Variants in TMEM265 observed in about 807,000 individuals in gnomAD.
TMEM265 encodes transmembrane protein 265.
A neutral mutation model predicts 9.5 loss-of-function variants in TMEM265; 8 were observed. The observed-to-expected ratio is 0.84, with a 90% CI of 0.49 to 1.52. The LOEUF (loss-of-function observed/expected upper bound fraction) is 1.52. TMEM265 is among the 40% of genes most tolerant of loss of function. TMEM265 has a pLI of 0.00. For missense variants in TMEM265, 152 were observed against 146.2 expected, an observed-to-expected ratio of 1.04 and a Z score of -0.21; for synonymous variants, 53 against 56.9, an observed-to-expected ratio of 0.93 and a Z score of 0.31.
At chr16:30,741,484 CTAAA>C in intron 1 of TMEM265, 2 of 370,000 alleles carry the variant, frequency 5.4e-6, no homozygotes, top group South Asian at 9.7e-5. Flanking sequence ...TGTTGAAACA[CTAAA>C]TAATACAGAT....
Position 30,744,092 on chromosome 16 carries a change from C to CT in TMEM265, c.*152dup. 1.1e-6 allele frequency: 1 copy of CT among 934,928 alleles called. No individual in the cohort carries two copies. The highest frequency in any genetic ancestry group is 2.7e-5 in the East Asian group (1 of 36,556). 57.9% of individuals were successfully genotyped at this position (934,928 alleles called of 1,614,324 possible). A position where few individuals can be genotyped will look rare whatever the true frequency, so the allele number is the denominator to read the frequency against. On this transcript the variant is annotated 3_prime_UTR_variant, in exon 3 of 3. Transcript: ENST00000615541. ...GGGCTTTGGAAGAGCTCTTCTAGCC[C>CT]TTTATAAAAGGAGGGCAGCAGCTGA...
At chr16:30,740,911 AG>A (rs2053218024) in intron 1 of TMEM265, 1 of 152,134 alleles carries the variant, frequency 6.6e-6, no homozygotes, top group African/African-American at 2.4e-5. Flanking sequence ...CAGGGAGCCA[AG>A]GTGGTTTCAT....
At position 30,745,110 on chromosome 16, in the gene TMEM265, T is replaced by C. The variant is rs1359780661; in HGVS notation, c.*1167T>C. 1.2e-4 allele frequency: 18 copies of C among 152,226 alleles called. No homozygotes were observed. The allele number at this position is 152,226 out of a possible 1,614,324, so 9.4% of individuals were successfully genotyped here. A position where few individuals can be genotyped will look rare whatever the true frequency, so the allele number is the denominator to read the frequency against. ...ACCATTCTGACTTCTAGCAGTGTCA[T>C]TTAATTTTGTCTGCATTTGAACTTT... On this transcript the variant is annotated 3_prime_UTR_variant, in exon 3 of 3. Coordinates refer to ENST00000615541, the MANE Select transcript of TMEM265 (RefSeq NM_001256829.2).
chr16:30,742,031 A>G, intron 2 of TMEM265, 123 bp downstream of exon 2: 3 of 1,068,648 alleles, frequency 2.8e-6, no homozygotes, highest in Non-Finnish European at 3.9e-6. Context: ...TGCCAGAAAT[A>G]AGAATAAGAC....
At position 30,743,836 on chromosome 16, in the gene TMEM265, C is replaced by T. The variant is rs559887813; in HGVS notation, c.220C>T (p.Arg74Trp). ...CGAGGAGGCAGTGCGCTGGGGGGCCCGGGCCCGGAAACTCATCCTGGCCAG... is the reference window on the plus strand; with the variant it reads ...CGAGGAGGCAGTGCGCTGGGGGGCCTGGGCCCGGAAACTCATCCTGGCCAG... ...RSEEAVRWGA[R>W]ARKLILASFA... is the part of the protein sequence containing the mutation. The change falls in exon 3 of 3, where the codon CGG becomes TGG. Residue 74 changes from arginine (R) to tryptophan (W), a missense_variant. By Grantham distance (101) the Arg-to-Trp change is moderately radical. Coordinates refer to ENST00000615541, the MANE Select transcript of TMEM265 (RefSeq NM_001256829.2). 3.1e-5 allele frequency: 48 copies of T among 1,533,744 alleles called. No homozygotes were observed. The highest frequency in any genetic ancestry group is 4.6e-4 in the Middle Eastern group (2 of 4,358).
Position 30,741,910 on chromosome 16 carries a change from T to C in TMEM265, c.165+2T>C. On this transcript the variant is annotated splice_donor_variant, in intron 2 of 2. Coordinates refer to ENST00000615541, the MANE Select transcript of TMEM265 (RefSeq NM_001256829.2). LOFTEE classifies it high-confidence loss of function. ...ATGGCTCTGGTGTTTGCCATCAAGG[T>C]GAGGAGTGCAATTCCCATGGGAATG... 2 of 1,533,462 alleles carry C rather than the reference T, an allele frequency of 1.3e-6. No individual in the cohort carries two copies. Among genetic ancestry groups the C allele is most frequent in the Non-Finnish European group, 1.7e-6 (2 of 1,146,380 alleles). The allele number at this position is 1,533,462 out of a possible 1,614,324, so 95.0% of individuals were successfully genotyped here.
At chr16:30,741,972 C>T (rs2053229391) in intron 2 of TMEM265, 64 bp downstream of exon 2, 3 of 1,464,504 alleles carry the variant, frequency 2.0e-6, no homozygotes, top group Admixed American at 4.1e-5. Context: ...TGTATCTGAT[C>T]TATCTACATT....
Position 30,743,918 on chromosome 16 carries a change from C to T in TMEM265, c.302C>T (p.Ser101Phe), listed in dbSNP as rs755549609. 119 of 1,533,722 alleles carry T rather than the reference C, an allele frequency of 7.8e-5. No homozygotes were observed. Among genetic ancestry groups the T allele is most frequent in the Non-Finnish European group, 1.0e-4 (115 of 1,146,672 alleles). The change falls in exon 3 of 3, where the codon TCC becomes TTC. Residue 101 changes from serine to phenylalanine, a missense_variant. Ser to Phe is a radical substitution (Grantham distance 155, BLOSUM62 -2). Coordinates refer to ENST00000615541, the MANE Select transcript of TMEM265 (RefSeq NM_001256829.2). ...ILGPLLLWLL[S>F]YAIAQAE ...GGTCCCCTGCTGCTGTGGTTGCTCT[C>T]CTACGCCATCGCTCAGGCTGAGTGA... is the stretch of plus-strand genomic sequence containing the variant.
rs1567257351 is a variant in TMEM265, at chr16:30,743,913, G to A, written c.297G>A (p.Leu99=). 6.5e-7 allele frequency: 1 copy of A among 1,533,882 alleles called. No homozygotes were observed. Among genetic ancestry groups the A allele is most frequent in the Non-Finnish European group, 8.7e-7 (1 of 1,146,692 alleles). The part of the protein sequence containing the change: ...VLILGPLLLW[L]LSYAIAQAE ...TTCTGGGTCCCCTGCTGCTGTGGTT[G>A]CTCTCCTACGCCATCGCTCAGGCTG... The change falls in exon 3 of 3, where the codon TTG becomes TTA. Residue 99 remains leucine (L), a synonymous_variant. Coordinates refer to ENST00000615541, the MANE Select transcript of TMEM265 (RefSeq NM_001256829.2).
In TMEM265 at chr16:30,744,183, T is replaced by G. The variant is rs1423813571; in HGVS notation, c.*240T>G. ...CCCCCCACCCCCATCTCCCCTACCC[T>G]AGCCCACCCTAGGGCCTCTACCCAG... On this transcript the variant is annotated 3_prime_UTR_variant, in exon 3 of 3. Transcript: ENST00000615541. 5 of 404,122 alleles carry G rather than the reference T, an allele frequency of 1.2e-5. No homozygotes were observed. The highest frequency in any genetic ancestry group is 6.3e-4 in the Middle Eastern group (1 of 1,588). The allele number at this position is 404,122 out of a possible 1,614,324, so 25.0% of individuals were successfully genotyped here. A position where few individuals can be genotyped will look rare whatever the true frequency, so the allele number is the denominator to read the frequency against.
chr16:30,740,889 G>A (rs958727266), intron 1 of TMEM265, 182 bp downstream of exon 1: 7 of 152,046 alleles, frequency 4.6e-5, no homozygotes, highest in Admixed American at 2.6e-4. Context: ...CCTATCCTTC[G>A]TTACTTGGGT....
At position 30,743,993 on chromosome 16, in the gene TMEM265, A is replaced by G. The variant is rs927897876; in HGVS notation, c.*50A>G. 22 of 1,505,450 alleles carry G rather than the reference A, an allele frequency of 1.5e-5. No individual in the cohort carries two copies. Among genetic ancestry groups the G allele is most frequent in the East Asian group, 2.5e-5 (1 of 40,562 alleles). The allele number at this position is 1,505,450 out of a possible 1,614,324, so 93.3% of individuals were successfully genotyped here. On this transcript the variant is annotated 3_prime_UTR_variant, in exon 3 of 3. Coordinates refer to ENST00000615541, the MANE Select transcript of TMEM265 (RefSeq NM_001256829.2). ...CAGCCGAGACCTCCTGGATCCTGCA[A>G]TGCGGCATTGCTAAGGTCCTGTGAC...
rs191720516 is a variant in TMEM265, at chr16:30,741,468, C to G, written c.-3-273C>G. Reference sequence around the variant, plus strand: ...GTGTGCACCTGTCATTTGGCTTCTTCCCACTTGTTGAAACACTAAATAATA... The same window carrying G: ...GTGTGCACCTGTCATTTGGCTTCTTGCCACTTGTTGAAACACTAAATAATA... On this transcript the variant is annotated intron_variant, in intron 1 of 2. Transcript: ENST00000615541. 2,100 of 338,398 alleles carry G rather than the reference C, an allele frequency of 6.2e-3. 20 individuals carry two copies. Among genetic ancestry groups the G allele is most frequent in the Non-Finnish European group, 6.7e-3 (1,246 of 186,032 alleles). The allele number at this position is 338,398 out of a possible 1,614,324, so 21.0% of individuals were successfully genotyped here. A position where few individuals can be genotyped will look rare whatever the true frequency, so the allele number is the denominator to read the frequency against.
intron 1 of TMEM265, chr16:30,741,472 C>CT: frequency 2.9e-6 from 1 of 343,916 alleles, no homozygotes; most frequent in Admixed American, 4.5e-5. Context: ...CTTCTTCCCA[C>CT]TTGTTGAAAC....
At chr16:30,743,168 C>G (rs1030274464) in intron 2 of TMEM265, among the ~76,000 whole-genome samples, 1 of 152,016 alleles carries the variant, frequency 6.6e-6, no homozygotes, top group East Asian at 1.9e-4. Context: ...GGGCAGATCA[C>G]TTGAGGTCAG....
At chr16:30,742,414 T>C (rs2053231645) in intron 2 of TMEM265, among the ~76,000 whole-genome samples, 1 of 152,178 alleles carries the variant, frequency 6.6e-6, no homozygotes, top group African/African-American at 2.4e-5. Context: ...GTTTTGACTT[T>C]ATCTTGAAAG....
At position 30,740,725 on chromosome 16, in the gene TMEM265, T is replaced by G. The variant is rs1030306873; in HGVS notation, c.-4+18T>G. 5 of 152,254 alleles carry G rather than the reference T, an allele frequency of 3.3e-5. No homozygotes were observed. The highest frequency in any genetic ancestry group is 7.3e-5 in the Non-Finnish European group (5 of 68,092). The allele number at this position is 152,254 out of a possible 1,614,324, so 9.4% of individuals were successfully genotyped here. On this transcript the variant is annotated intron_variant, in intron 1 of 2. Transcript: ENST00000615541. ...ATAGCCAGGTAAGAGCCCTGTTCATTTTTACATTCTCTGTTCACTCCCTGG... is the reference window on the plus strand; with the variant it reads ...ATAGCCAGGTAAGAGCCCTGTTCATGTTTACATTCTCTGTTCACTCCCTGG...
In TMEM265 at chr16:30,743,922, C is replaced by T. The variant is rs941822404; in HGVS notation, c.306C>T (p.Tyr102=). ...CCCTGCTGCTGTGGTTGCTCTCCTA[C>T]GCCATCGCTCAGGCTGAGTGACCCT... The part of the protein sequence containing the change: ...LGPLLLWLLS[Y]AIAQAE The change falls in exon 3 of 3, where the codon TAC becomes TAT. Residue 102 remains tyrosine, a synonymous_variant. Transcript: ENST00000615541. 7.8e-6 allele frequency: 12 copies of T among 1,533,664 alleles called. No individual in the cohort carries two copies. The highest frequency in any genetic ancestry group is 2.0e-5 in the Admixed American group (1 of 50,966).
rs146309179 is a variant in TMEM265, at chr16:30,741,784, C to T, written c.41C>T (p.Thr14Met). 166 of 1,533,824 alleles carry T rather than the reference C, an allele frequency of 1.1e-4. No homozygotes were observed. The African/African-American group carries it at 1.8e-3, about 17-fold the overall frequency. The change falls in exon 2 of 3, where the codon ACG (threonine) becomes ATG (methionine). Residue 14 changes from threonine (T) to methionine (M), a missense_variant. Physicochemically the swap from Thr to Met is moderately conservative, Grantham distance 81 (BLOSUM62 -1). Transcript: ENST00000615541. The part of the protein sequence containing the change: ...EEKAVEILGN[T>M]EAAHPPSPIR... The stretch of plus-strand genomic sequence containing the variant: ...AAGGCAGTGGAGATCTTGGGCAACA[C>T]GGAAGCTGCTCATCCTCCATCCCCC...
Sources: allele counts gnomAD v4.1 joint callset (sites outside exome capture counted in the v4.1 genomes callset), GRCh38; gene constraint gnomAD v4.1.1; transcripts MANE v1.5; gene names NCBI Gene and HGNC (gene_info 2026-07-23, HGNC 2026-07-21).